Variants in PPRC1 observed in about 807,000 individuals in gnomAD.
The protein encoded by PPRC1 is PPARG related coactivator 1, also known as peroxisome proliferator-activated receptor gamma coactivator-related protein 1.
In PPRC1, 23 loss-of-function variants were observed where a neutral mutation model predicts 132.5. The observed-to-expected ratio is 0.17, with a 90% CI of 0.12 to 0.25. The LOEUF (loss-of-function observed/expected upper bound fraction) is 0.25, where lower values mean the gene tolerates loss of function less well. Ranked by LOEUF, PPRC1 falls within the 10% of genes least tolerant of loss-of-function variation. The pLI is 1.00. For synonymous variants in PPRC1, 872 were observed against 833.5 expected (o/e 1.05, Z -0.80); for missense variants, 2,006 against 2,089.1 (o/e 0.96, Z 0.78).
chr10:102,121,548 C>A, the PPRC1 span, among the ~76,000 whole-genome samples: 1 of 152,176 alleles, frequency 6.6e-6, no homozygotes, highest in Non-Finnish European at 1.5e-5. Context: ...GGGGCTCCAT[C>A]TCCATCCCTT....
At chr10:102,149,827 A>C (rs1590366967) in intron 13 of PPRC1, 99 bp from the exon 14 acceptor site, 2 of 906,280 alleles carry the variant, frequency 2.2e-6, no homozygotes, top group South Asian at 2.7e-5. Flanking sequence ...AGCAGTTTTC[A>C]CTCCATCCGT....
Position 102,138,053 on chromosome 10 carries a change from G to A in PPRC1, c.342+15G>A. 1 of 1,607,838 alleles carries A rather than the reference G, an allele frequency of 6.2e-7. No individual in the cohort carries two copies. Among genetic ancestry groups the A allele is most frequent in the Non-Finnish European group, 8.5e-7 (1 of 1,176,376 alleles). On this transcript the variant is annotated intron_variant, in intron 2 of 13. Coordinates refer to ENST00000278070, the MANE Select transcript of PPRC1 (RefSeq NM_015062.5). The stretch of plus-strand genomic sequence containing the variant: ...GCCTTGGAGAGGTGAGCTGGGGCTG[G>A]ACTCTGAAATCTTCAAGCAGGAGGT...
chr10:102,123,209 G>T, the PPRC1 span, among the ~76,000 whole-genome samples: 142 of 152,340 alleles, frequency 9.3e-4, no homozygotes, highest in African/African-American at 3.2e-3. Flanking sequence ...AGGTAACAGA[G>T]CTAACAAGCA....
At chr10:102,130,416 C>CAAAA (rs1203599289), upstream of PPRC1, among the ~76,000 whole-genome samples, 1 of 15,976 alleles carries the variant, frequency 6.3e-5, no homozygotes, top group Non-Finnish European at 1.5e-4. Flanking sequence ...GAATCCTTCT[C>CAAAA]AAAAAAAAAA....
intron 1 of PPRC1, among the ~76,000 whole-genome samples, chr10:102,137,592 G>A (rs2068771651): frequency 6.6e-6 from 1 of 152,086 alleles, no homozygotes; most frequent in South Asian, 2.1e-4. Flanking sequence ...TTACTCCCGG[G>A]TTTTAATCTG....
rs2133644785 is a variant in PPRC1 at position 102,140,424 on chromosome 10, C to T, written c.1916C>T (p.Ser639Leu). 1 of 1,614,228 alleles carries T rather than the reference C, an allele frequency of 6.2e-7. No homozygotes were observed. The highest frequency in any genetic ancestry group is 8.5e-7 in the Non-Finnish European group (1 of 1,180,042). ...CTGATCAACCCAGTCCTGGCTGACT[C>T]AGCAGCAGTTGACCCTGCAGTGGTT... ...PVLINPVLAD[S>L]AAVDPAVVPI... The change falls in exon 5 of 14, where the codon TCA (serine) becomes TTA (leucine). Residue 639 changes from serine (S) to leucine (L), a missense_variant. Ser to Leu is a moderately radical substitution (Grantham distance 145). Coordinates refer to ENST00000278070, the MANE Select transcript of PPRC1 (RefSeq NM_015062.5).
Position 102,141,179 on chromosome 10 carries a change from A to C in PPRC1, c.2671A>C (p.Ser891Arg), listed in dbSNP as rs1181257492. Residue 891 changes from serine (S) to arginine (R), a missense_variant, in exon 5 of 14, where the codon AGT becomes CGT. Ser to Arg is a moderately radical substitution (Grantham distance 110). Coordinates refer to ENST00000278070, the MANE Select transcript of PPRC1 (RefSeq NM_015062.5). ...TGCAGGTGGGCTTGGCATGCCCCCC[A>C]GTCTGCCCCCACCTCCCTTGCAGCC... is the stretch of plus-strand genomic sequence containing the variant. ...FPAGGLGMPP[S>R]LPPPPLQPPS... 3 of 1,612,856 alleles carry C rather than the reference A, an allele frequency of 1.9e-6. No homozygotes were observed. The highest frequency in any genetic ancestry group is 1.7e-5 in the Admixed American group (1 of 59,932).
chr10:102,138,833 T>A (rs370946106), intron 3 of PPRC1, 46 bp from the exon 4 acceptor site: 2 of 1,611,786 alleles, frequency 1.2e-6, no homozygotes, highest in Non-Finnish European at 1.7e-6. Flanking sequence ...CCTACTCATA[T>A]AGCTCTGAAG....
chr10:102,127,487 A>G, the PPRC1 span, among the ~76,000 whole-genome samples: 3 of 152,198 alleles, frequency 2.0e-5, no homozygotes, highest in Admixed American at 1.3e-4. Context: ...GCTCACTGCA[A>G]CATCCACCTG....
chr10:102,125,916 G>A, the PPRC1 span, among the ~76,000 whole-genome samples: 2 of 149,258 alleles, frequency 1.3e-5, no homozygotes, highest in African/African-American at 2.5e-5. Flanking sequence ...AGGCTGGAGT[G>A]CAGTGGCACA....
At position 102,137,927 on chromosome 10, in the gene PPRC1, C is replaced by T. The variant is rs145951020; in HGVS notation, c.231C>T (p.Asp77=). Residue 77 remains aspartate (D), a synonymous_variant, in exon 2 of 14, where the codon GAC becomes GAT. Coordinates refer to ENST00000278070, the MANE Select transcript of PPRC1 (RefSeq NM_015062.5). ...TGGGCCCATCTCTGAGGGACAAGGA[C>T]CTGGAAATGGAGGAGCTAATGCTGC... ...SRLGPSLRDK[D]LEMEELMLQD... 62 of 1,614,006 alleles carry T rather than the reference C, an allele frequency of 3.8e-5. No homozygotes were observed. In the African/African-American group the frequency reaches 8.1e-4, roughly 21 times the overall value.
intron 2 of PPRC1, 44 bp from the exon 3 acceptor site, chr10:102,138,575 A>C (rs780321600): frequency 6.2e-7 from 1 of 1,604,216 alleles, no homozygotes; most frequent in East Asian, 2.2e-5. Context: ...ATAGTAGGTC[A>C]TTAGGGATGT....
At chr10:102,127,419 G>A in the PPRC1 span, among the ~76,000 whole-genome samples, 1 of 152,048 alleles carries the variant, frequency 6.6e-6, no homozygotes, top group East Asian at 1.9e-4. Flanking sequence ...GTCTTGCTCT[G>A]TCTCAAGGTT....
chr10:102,124,612 A>G, the PPRC1 span, among the ~76,000 whole-genome samples: 2 of 146,312 alleles, frequency 1.4e-5, no homozygotes, highest in Non-Finnish European at 3.0e-5. Flanking sequence ...AAGTGTTGGG[A>G]TTACAGGCGT....
Position 102,140,591 on chromosome 10 carries a change from C to G in PPRC1, c.2083C>G (p.Arg695Gly). Residue 695 changes from arginine to glycine, a missense_variant, in exon 5 of 14, where the codon CGT (arginine) becomes GGT (glycine). Arg to Gly is a moderately radical substitution (Grantham distance 125, BLOSUM62 -2). This residue lies in a region of PPRC1 where 1,914 missense variants were observed against 1,917.2 expected (regional missense o/e 1.00). Coordinates refer to ENST00000278070, the MANE Select transcript of PPRC1 (RefSeq NM_015062.5). ...TAAGTCCAGACCAACTGATCCCAGA[C>G]GTGGTGCAGTGTCATCAGCCCTGGG... ...LVKSRPTDPR[R>G]GAVSSALGGS... 1 of 1,614,078 alleles carries G rather than the reference C, an allele frequency of 6.2e-7. No homozygotes were observed. Among genetic ancestry groups the G allele is most frequent in the Non-Finnish European group, 8.5e-7 (1 of 1,180,000 alleles).
intron 1 of PPRC1, among the ~76,000 whole-genome samples, chr10:102,136,864 TGCTTGATGCCTGACACGAGAG>T (rs2068742374): frequency 1.3e-5 from 2 of 152,212 alleles, no homozygotes; most frequent in South Asian, 4.1e-4. Context: ...CTGGGCGGGC[TGCTTGATGCCTGACACGAGAG>T]GCCGTAAATG....
At chr10:102,132,284 C>T (rs149565993), upstream of PPRC1, among the ~76,000 whole-genome samples, 2 of 152,322 alleles carry the variant, frequency 1.3e-5, no homozygotes, top group Admixed American at 1.3e-4. Context: ...TATGAAGTAG[C>T]TTTTAAGTGG....
In PPRC1 at chr10:102,143,621, G is replaced by A. The variant is rs897222366; in HGVS notation, c.3550+523G>A. Among the ~76,000 whole-genome samples the A allele has an allele frequency of 1.3e-5, 2 of 149,342 alleles. 1 individual carries two copies. Among genetic ancestry groups the A allele is most frequent in the Admixed American group, 1.3e-4 (2 of 14,964 alleles). On this transcript the variant is annotated intron_variant, in intron 6 of 13. Coordinates refer to ENST00000278070, the MANE Select transcript of PPRC1 (RefSeq NM_015062.5). ...CTCAAAAAAAAAAAAAAAAAAAAAG[G>A]AATCCAAGCAGGTTGGGGTTGTTTA...
chr10:102,140,975 G>T lies in PPRC1; in HGVS notation c.2467G>T (p.Gly823Cys). ...TPLEICLVPV[G>C]PSPASPSPEP... is the part of the protein sequence containing the mutation. ...CCTTGAGATTTGCCTTGTGCCTGTA[G>T]GTCCCAGCCCTGCTTCTCCTAGTCC... is the stretch of plus-strand genomic sequence containing the variant. Residue 823 changes from glycine (G) to cysteine (C), a missense_variant, in exon 5 of 14, where the codon GGT (glycine) becomes TGT (cysteine). Physicochemically the swap from Gly to Cys is radical, Grantham distance 159 (BLOSUM62 -3). Coordinates refer to ENST00000278070, the MANE Select transcript of PPRC1 (RefSeq NM_015062.5). 1 of 1,613,980 alleles carries T rather than the reference G, an allele frequency of 6.2e-7. No homozygotes were observed. Among genetic ancestry groups the T allele is most frequent in the East Asian group, 2.2e-5 (1 of 44,884 alleles).
Sources: allele counts gnomAD v4.1 joint callset (sites outside exome capture counted in the v4.1 genomes callset), GRCh38; gene constraint gnomAD v4.1.1; regional missense constraint gnomAD v4.1.1; transcripts MANE v1.5; gene names NCBI Gene and HGNC (gene_info 2026-07-23, HGNC 2026-07-21).